GRIP1: variants seen among roughly 807,000 people sequenced by gnomAD.
GRIP1 encodes glutamate receptor-interacting protein 1.
GRIP1 carries 45 observed loss-of-function variants against 129.9 expected under a neutral mutation model. The observed-to-expected ratio is 0.35, with a 90% CI of 0.27 to 0.44. GRIP1 has a LOEUF of 0.44. Among genes scored for constraint, GRIP1 ranks in the 20% least tolerant of loss-of-function variants. GRIP1 has a pLI of 1.00. For missense variants in GRIP1, 1,196 were observed against 1,396.8 expected, an observed-to-expected ratio of 0.86 and a Z score of 2.29; for synonymous variants, 530 against 520.8, an observed-to-expected ratio of 1.02 and a Z score of -0.24.
chr12:66,539,016 T>C (rs2061689635), intron 4 of GRIP1, 62 bp downstream of exon 4: 8 of 1,388,968 alleles, frequency 5.8e-6, no homozygotes, highest in Non-Finnish European at 8.2e-6. Context: ...TGAGCAGTTT[T>C]AGGCATCCAC....
chr12:66,899,230 G>C (rs1273278537), intron 1 of GRIP1, among the ~76,000 whole-genome samples: 2 of 152,026 alleles, frequency 1.3e-5, no homozygotes, highest in African/African-American at 4.8e-5. Context: ...AGAGTACCCA[G>C]GTCCAATAAA....
At chr12:66,560,388 C>T (rs1456896866) in intron 2 of GRIP1, among the ~76,000 whole-genome samples, 1 of 152,178 alleles carries the variant, frequency 6.6e-6, no homozygotes, top group African/African-American at 2.4e-5. Flanking sequence ...AGACAACCCA[C>T]AGAATGGGAG....
At chr12:66,406,214 A>C in intron 16 of GRIP1, 69 bp downstream of exon 16, 1 of 1,459,456 alleles carries the variant, frequency 6.9e-7, no homozygotes, top group Non-Finnish European at 9.6e-7. Context: ...TAAAACATCA[A>C]GATCTAATAT....
intron 1 of GRIP1, among the ~76,000 whole-genome samples, chr12:66,919,155 A>T (rs559527727): frequency 6.6e-6 from 1 of 152,288 alleles, no homozygotes; most frequent in Non-Finnish European, 1.5e-5. Context: ...AATAAGAAGG[A>T]AATCTATGTA....
At chr12:66,464,954 CTTT>C (rs62769560) in intron 8 of GRIP1, among the ~76,000 whole-genome samples, 6,088 of 93,610 alleles carry the variant, frequency 0.065, 375 homozygotes, top group African/African-American at 0.16. Flanking sequence ...TTCTTTCTTT[CTTT>C]TTTTTTTTTT....
intron 1 of GRIP1, among the ~76,000 whole-genome samples, chr12:66,943,623 T>C (rs530241767): frequency 1.3e-5 from 2 of 152,324 alleles, no homozygotes; most frequent in African/African-American, 2.4e-5. Flanking sequence ...GAAAGCAGCA[T>C]TGCAGTAAGT....
intron 1 of GRIP1, among the ~76,000 whole-genome samples, chr12:66,599,040 A>C (rs2064169650): frequency 6.6e-6 from 1 of 152,166 alleles, no homozygotes; most frequent in African/African-American, 2.4e-5. Context: ...TTTATATTTG[A>C]AAACAACTTC....
chr12:66,841,754 T>C (rs2039721383), intron 1 of GRIP1, among the ~76,000 whole-genome samples: 1 of 152,126 alleles, frequency 6.6e-6, no homozygotes, highest in African/African-American at 2.4e-5. Context: ...GAGCCATACC[T>C]AGAACCTAAA....
chr12:66,798,009 GA>G (rs1222372027), intron 1 of GRIP1, among the ~76,000 whole-genome samples: 1 of 152,162 alleles, frequency 6.6e-6, no homozygotes, highest in Admixed American at 6.5e-5. Context: ...TGACAGAACT[GA>G]AGGAGAAACA....
At chr12:66,723,239 T>C (rs1419798189) in intron 1 of GRIP1, among the ~76,000 whole-genome samples, 2 of 23,598 alleles carry the variant, frequency 8.5e-5, no homozygotes, top group Non-Finnish European at 1.4e-4. Context: ...TCTCTCTCTC[T>C]CTTCCTTCCT....
intron 1 of GRIP1, among the ~76,000 whole-genome samples, chr12:66,810,938 T>C (rs756402988): frequency 1.2e-4 from 18 of 152,222 alleles, no homozygotes; most frequent in Non-Finnish European, 2.2e-4. Flanking sequence ...TGTGAGCTAT[T>C]TCAAGGTCGA....
chr12:66,988,382 C>A (rs2042345498), intron 1 of GRIP1, among the ~76,000 whole-genome samples: 1 of 151,734 alleles, frequency 6.6e-6, no homozygotes, highest in South Asian at 2.1e-4. Flanking sequence ...ATTCTTTTTT[C>A]TTTTTCTTTT....
chr12:67,057,436 T>TA (rs71088237), intron 1 of GRIP1, among the ~76,000 whole-genome samples: 25,491 of 126,664 alleles, frequency 0.2, 2,589 homozygotes, highest in African/African-American at 0.27. Flanking sequence ...TCCAAGAACG[T>TA]AAAAAAAAAA....
chr12:66,892,061 G>T (rs1249213041), intron 1 of GRIP1: 1 of 152,758 alleles, frequency 6.5e-6, no homozygotes, highest in East Asian at 1.9e-4. Flanking sequence ...GGCATCTCAG[G>T]GGAAGTAGCA....
intron 1 of GRIP1, among the ~76,000 whole-genome samples, chr12:67,031,591 A>T (rs2043023514): frequency 1.3e-5 from 2 of 152,086 alleles, no homozygotes; most frequent in Non-Finnish European, 2.9e-5. Context: ...AATTTACCGC[A>T]CACTCCACAA....
intron 1 of GRIP1, among the ~76,000 whole-genome samples, chr12:66,640,411 T>C (rs1257597006): frequency 6.6e-6 from 1 of 152,208 alleles, no homozygotes; most frequent in Middle Eastern, 3.2e-3. Flanking sequence ...ACAAGATGTC[T>C]TTTAAACAGA....
At chr12:66,357,260 TCTC>T (rs148939025) in intron 23 of GRIP1, among the ~76,000 whole-genome samples, 3,629 of 152,270 alleles carry the variant, frequency 0.024, 158 homozygotes, top group African/African-American at 0.084. Flanking sequence ...GTCTGTTAAA[TCTC>T]CTCTTACCTG....
At chr12:66,953,418 A>T (rs561279258) in intron 1 of GRIP1, among the ~76,000 whole-genome samples, 3 of 152,310 alleles carry the variant, frequency 2.0e-5, no homozygotes, top group East Asian at 1.9e-4. Context: ...ATCTCACTTG[A>T]TCCTGGCAGC....
intron 1 of GRIP1, among the ~76,000 whole-genome samples, chr12:66,783,856 T>C (rs957494220): frequency 1.2e-4 from 19 of 152,148 alleles, no homozygotes; most frequent in Non-Finnish European, 2.2e-4. Flanking sequence ...TGCGTTAAGA[T>C]TTGATTTTCC....
Sources: gnomAD v4.1 joint callset for allele counts (sites outside exome capture counted in the v4.1 genomes callset) on GRCh38, gnomAD v4.1.1 for gene constraint, MANE v1.5 for transcripts, NCBI Gene and HGNC (gene_info 2026-07-23, HGNC 2026-07-21) for gene names.